Variants in THNSL1 observed in about 807,000 individuals in gnomAD.
THNSL1 encodes threonine synthase like 1.
Under a neutral mutation model 50.4 loss-of-function variants are expected in THNSL1, and 48 were observed. That is an observed-to-expected ratio of 0.95 (90% CI 0.76 to 1.21). The LOEUF (loss-of-function observed/expected upper bound fraction) is 1.21. THNSL1 is among the 50% of genes most tolerant of loss of function. THNSL1 has a pLI of 0.00. For missense variants in THNSL1, 896 were observed against 871.7 expected (o/e 1.03, Z -0.35); for synonymous variants, 309 against 306.1 (o/e 1.01, Z -0.10).
the THNSL1 span, among the ~76,000 whole-genome samples, chr10:24,960,883 C>G: frequency 6.6e-6 from 1 of 152,178 alleles, no homozygotes; most frequent in Non-Finnish European, 1.5e-5. Flanking sequence ...AGCCACCACA[C>G]CTTGCCATTC....
chr10:24,954,109 A>G, the THNSL1 span, among the ~76,000 whole-genome samples: 2 of 152,168 alleles, frequency 1.3e-5, no homozygotes, highest in Admixed American at 6.5e-5. Context: ...TTTTATTTTC[A>G]TTTTCAAAGA....
Position 25,023,827 on chromosome 10 carries a change from T to C in THNSL1, c.604T>C (p.Phe202Leu). ...TAAGAAGTGGTATGATGCTCGTGTT[T>C]TCTGTGAAAGTGGGGCTTCCCCAGA... ...YYKKWYDARV[F>L]CESGASPEEV... Residue 202 changes from phenylalanine to leucine, a missense_variant, in exon 3 of 3, where the codon TTC becomes CTC. Physicochemically the swap from Phe to Leu is conservative, Grantham distance 22. Transcript: ENST00000376356. 1 of 1,614,244 alleles carries C rather than the reference T, an allele frequency of 6.2e-7. No individual in the cohort carries two copies. The highest frequency in any genetic ancestry group is 8.5e-7 in the Non-Finnish European group (1 of 1,180,040).
At chr10:24,994,482 C>T in the THNSL1 span, among the ~76,000 whole-genome samples, 3 of 151,728 alleles carry the variant, frequency 2.0e-5, no homozygotes, top group Admixed American at 6.6e-5. Flanking sequence ...TACAGGCACA[C>T]ACCACCACGC....
At chr10:24,967,689 CAT>C in the THNSL1 span, among the ~76,000 whole-genome samples, 2 of 149,572 alleles carry the variant, frequency 1.3e-5, no homozygotes, top group East Asian at 4.0e-4. Context: ...ATGATGTGTC[CAT>C]ATGTGTGTAT....
At chr10:24,953,632 T>G in the THNSL1 span, 1 of 152,342 alleles carries the variant, frequency 6.6e-6, no homozygotes. Context: ...CCCAGGTCCC[T>G]GACATCTCAC....
the THNSL1 span, among the ~76,000 whole-genome samples, chr10:24,971,084 A>G: frequency 6.6e-6 from 1 of 151,356 alleles, no homozygotes; most frequent in African/African-American, 2.4e-5. Flanking sequence ...ACCATCAAAG[A>G]GGGCACTTTG....
chr10:25,023,497 G>A lies in THNSL1; in HGVS notation c.274G>A (p.Glu92Lys), dbSNP rs1459253162. 1 of 1,614,070 alleles carries A rather than the reference G, an allele frequency of 6.2e-7. No homozygotes were observed. Among genetic ancestry groups the A allele is most frequent in the Non-Finnish European group, 8.5e-7 (1 of 1,179,990 alleles). ...CVIDVDDDIL[E>K]KTWNMSVSEK... ...CATAGATGTGGATGATGATATCCTT[G>A]AAAAAACCTGGAATATGAGTGTGTC... The change falls in exon 3 of 3, where the codon GAA becomes AAA. Residue 92 changes from glutamate to lysine, a missense_variant. Physicochemically the swap from Glu to Lys is moderately conservative, Grantham distance 56. Transcript: ENST00000376356.
chr10:24,995,651 T>C, the THNSL1 span: 1 of 1,608,404 alleles, frequency 6.2e-7, no homozygotes. Context: ...GCTACCTTTT[T>C]ATTGATGTAC....
intron 1 of THNSL1, among the ~76,000 whole-genome samples, chr10:25,019,002 C>T (rs1850667307): frequency 6.6e-6 from 1 of 152,132 alleles, no homozygotes; most frequent in Non-Finnish European, 1.5e-5. Flanking sequence ...ACCCTCACCT[C>T]TGTTTCATGG....
chr10:25,017,860 T>C (rs1850638730), intron 1 of THNSL1, among the ~76,000 whole-genome samples: 1 of 152,260 alleles, frequency 6.6e-6, no homozygotes, highest in African/African-American at 2.4e-5. Flanking sequence ...GCGGGAAACC[T>C]CCTGTATGTA....
chr10:24,988,250 A>C, the THNSL1 span, among the ~76,000 whole-genome samples: 1 of 140,292 alleles, frequency 7.1e-6, no homozygotes, highest in South Asian at 2.1e-4. Context: ...ATATATATAT[A>C]TGTGTATATA....
the THNSL1 span, among the ~76,000 whole-genome samples, chr10:24,965,143 G>A: frequency 6.6e-6 from 1 of 152,006 alleles, no homozygotes; most frequent in Non-Finnish European, 1.5e-5. Flanking sequence ...CTGGAATCAG[G>A]AATCCCAACC....
chr10:24,959,362 T>C, the THNSL1 span, among the ~76,000 whole-genome samples: 1 of 152,176 alleles, frequency 6.6e-6, no homozygotes, highest in Admixed American at 6.5e-5. Context: ...AGGTTATGGG[T>C]TGCATCTTAG....
At chr10:24,958,544 A>G in the THNSL1 span, among the ~76,000 whole-genome samples, 26,343 of 152,230 alleles carry the variant, frequency 0.17, 2,885 homozygotes, top group East Asian at 0.42. Context: ...CAAAGGCCTC[A>G]TTAGTATTCA....
chr10:24,967,962 T>G, the THNSL1 span, among the ~76,000 whole-genome samples: 1 of 151,184 alleles, frequency 6.6e-6, no homozygotes, highest in Non-Finnish European at 1.5e-5. Flanking sequence ...ATGATGTGTG[T>G]GTATGTATGA....
intron 2 of THNSL1, 112 bp downstream of exon 2, chr10:25,022,020 T>A (rs1850728581): frequency 2.0e-5 from 3 of 152,188 alleles, no homozygotes; most frequent in Admixed American, 2.0e-4. Context: ...AGAACATATT[T>A]TAACATATGA....
the THNSL1 span, among the ~76,000 whole-genome samples, chr10:25,007,385 C>T: frequency 4.6e-5 from 7 of 152,010 alleles, no homozygotes; most frequent in Admixed American, 4.6e-4. Flanking sequence ...GTGCTAATGC[C>T]TTTTACCACG....
At chr10:25,007,266 G>T in the THNSL1 span, among the ~76,000 whole-genome samples, 4 of 152,020 alleles carry the variant, frequency 2.6e-5, no homozygotes, top group Non-Finnish European at 5.9e-5. Flanking sequence ...TGAGTCTAAC[G>T]TTCACAAAAG....
chr10:25,015,983 C>A, upstream of THNSL1: 11 of 1,582,966 alleles, frequency 6.9e-6, no homozygotes, highest in Non-Finnish European at 8.6e-6. Context: ...ACTTTTTTCT[C>A]CCTGTCCCAG....
Sources: gnomAD v4.1 joint callset for allele counts (sites outside exome capture counted in the v4.1 genomes callset) on GRCh38, gnomAD v4.1.1 for gene constraint, MANE v1.5 for transcripts, NCBI Gene and HGNC (gene_info 2026-07-23, HGNC 2026-07-21) for gene names.